DLGAP2: variants seen among roughly 807,000 people sequenced by gnomAD.
The protein encoded by DLGAP2 is disks large-associated protein 2.
A neutral mutation model predicts 100.3 loss-of-function variants in DLGAP2; 26 were observed. The observed-to-expected ratio is 0.26, with a 90% confidence interval of 0.19 to 0.36. The LOEUF (loss-of-function observed/expected upper bound fraction) is 0.36, where lower values mean the gene tolerates loss of function less well. Among genes scored for constraint, DLGAP2 ranks in the 10% least tolerant of loss-of-function variants. DLGAP2 has a pLI of 1.00. For synonymous variants in DLGAP2, 886 were observed against 630.1 expected (o/e 1.41, Z -6.08); for missense variants, 1,858 against 1,453.2 (o/e 1.28, Z -4.53).
At chr8:780,983 A>G (rs1821669117) in intron 1 of DLGAP2, among the ~76,000 whole-genome samples, 1 of 152,232 alleles carries the variant, frequency 6.6e-6, no homozygotes, top group African/African-American at 2.4e-5. Context: ...GCAATGAATT[A>G]CATTTCTCTC....
At chr8:833,218 G>A (rs796221096) in intron 1 of DLGAP2, among the ~76,000 whole-genome samples, 15 of 152,326 alleles carry the variant, frequency 9.8e-5, no homozygotes, top group African/African-American at 3.4e-4. Flanking sequence ...AAGACTTTGG[G>A]AAGGCGCACT....
chr8:1,227,597 A>C (rs1188294454), intron 2 of DLGAP2, among the ~76,000 whole-genome samples: 1 of 151,882 alleles, frequency 6.6e-6, no homozygotes, highest in Non-Finnish European at 1.5e-5. Context: ...AGGTTCAAGC[A>C]ATTCTCAAGC....
intron 2 of DLGAP2, among the ~76,000 whole-genome samples, chr8:1,063,626 G>A (rs907166110): frequency 2.6e-5 from 4 of 151,536 alleles, no homozygotes; most frequent in Non-Finnish European, 4.4e-5. Context: ...TCAGTAAAAG[G>A]ATGTATTAGC....
In DLGAP2 at chr8:1,164,158, C is replaced by T. The variant is rs1468727249; in HGVS notation, c.74-94693C>T. On this transcript the variant is annotated intron_variant, in intron 2 of 14. Transcript: ENST00000637795. ...GGTTTGTGGGGATTTTTCTGTGAGC[C>T]CCCCAGGGCCCGTCATTTTGGTTTG... Among the ~76,000 whole-genome samples the T allele has an allele frequency of 3.6e-4, 7 of 19,260 alleles. 1 individual carries two copies. The highest frequency in any genetic ancestry group is 1.7e-3 in the Admixed American group (3 of 1,742). 12.6% of individuals were successfully genotyped at this position (19,260 alleles called of 152,430 possible). A position where few individuals can be genotyped will look rare whatever the true frequency, so the allele number is the denominator to read the frequency against.
chr8:790,844 C>T (rs1300032881), intron 1 of DLGAP2, among the ~76,000 whole-genome samples: 1 of 152,146 alleles, frequency 6.6e-6, no homozygotes, highest in African/African-American at 2.4e-5. Context: ...CTCCTGGGCT[C>T]AAGTGATCCT....
At chr8:1,133,436 A>T (rs773021838) in intron 2 of DLGAP2, among the ~76,000 whole-genome samples, 1 of 152,148 alleles carries the variant, frequency 6.6e-6, no homozygotes, top group Non-Finnish European at 1.5e-5. Context: ...ATGAATAAAA[A>T]TATATATTTT....
At chr8:1,150,510 A>G (rs1796680134) in intron 2 of DLGAP2, among the ~76,000 whole-genome samples, 1 of 152,188 alleles carries the variant, frequency 6.6e-6, no homozygotes. Context: ...ACTGTGCCAG[A>G]TTTGTCTTTT....
chr8:877,509 A>G (rs2128992698), intron 1 of DLGAP2, among the ~76,000 whole-genome samples: 1 of 152,372 alleles, frequency 6.6e-6, no homozygotes, highest in African/African-American at 2.4e-5. Flanking sequence ...ATTAAACGCC[A>G]CTAATTGCTG....
intron 2 of DLGAP2, among the ~76,000 whole-genome samples, chr8:959,779 A>T (rs953156271): frequency 1.3e-5 from 2 of 152,178 alleles, no homozygotes; most frequent in African/African-American, 4.8e-5. Flanking sequence ...TTTTAAACTA[A>T]AGAGGAGAGA....
intron 3 of DLGAP2, among the ~76,000 whole-genome samples, chr8:1,460,077 C>A (rs1056306629): frequency 6.6e-6 from 1 of 152,226 alleles, no homozygotes; most frequent in East Asian, 1.9e-4. Context: ...GTCAAGAACA[C>A]GTGCAGCGTG....
intron 2 of DLGAP2, among the ~76,000 whole-genome samples, chr8:976,377 C>G (rs528775740): frequency 2.0e-5 from 3 of 151,930 alleles, no homozygotes; most frequent in African/African-American, 7.3e-5. Context: ...TTTGGGAGAT[C>G]GAGGCGGGCG....
intron 2 of DLGAP2, among the ~76,000 whole-genome samples, chr8:1,066,417 G>C (rs998397826): frequency 6.7e-6 from 1 of 150,206 alleles, no homozygotes; most frequent in Non-Finnish European, 1.5e-5. Context: ...TCCCCACCAC[G>C]GTCAGGTCTG....
intron 3 of DLGAP2, among the ~76,000 whole-genome samples, chr8:1,323,193 C>T (rs912728621): frequency 1.3e-5 from 2 of 152,046 alleles, no homozygotes. Flanking sequence ...CCACGCCCGG[C>T]TTACTTTTTG....
At chr8:1,355,186 C>T (rs575555162) in intron 3 of DLGAP2, among the ~76,000 whole-genome samples, 1 of 152,334 alleles carries the variant, frequency 6.6e-6, no homozygotes, top group African/African-American at 2.4e-5. Flanking sequence ...ACACTGCATG[C>T]CCGTGACAGT....
At chr8:1,097,208 AG>A (rs1804406191) in intron 2 of DLGAP2, among the ~76,000 whole-genome samples, 1 of 86,744 alleles carries the variant, frequency 1.2e-5, no homozygotes, top group Admixed American at 1.2e-4. Flanking sequence ...CTGGGAGCCT[AG>A]GGCAGGCCTT....
chr8:1,177,695 C>G (rs982847669), intron 2 of DLGAP2, among the ~76,000 whole-genome samples: 1 of 152,180 alleles, frequency 6.6e-6, no homozygotes, highest in African/African-American at 2.4e-5. Flanking sequence ...TCTCACAGTT[C>G]TAGAGGCTGG....
chr8:1,301,532 A>T (rs1394856774), intron 3 of DLGAP2: 6 of 152,088 alleles, frequency 3.9e-5, no homozygotes. Flanking sequence ...GTGTGACACG[A>T]ACACTTTCAC....
At chr8:980,923 G>A (rs1800313664) in intron 2 of DLGAP2, among the ~76,000 whole-genome samples, 2 of 152,120 alleles carry the variant, frequency 1.3e-5, no homozygotes, top group South Asian at 4.1e-4. Flanking sequence ...GTGGCAAAAT[G>A]TACATAACAT....
At chr8:1,605,930 G>A (rs1343034997) in intron 6 of DLGAP2, among the ~76,000 whole-genome samples, 1 of 152,236 alleles carries the variant, frequency 6.6e-6, no homozygotes, top group African/African-American at 2.4e-5. Flanking sequence ...AGCTCGTGCT[G>A]TAGAACGTGT....
Sources: allele counts gnomAD v4.1 joint callset (sites outside exome capture counted in the v4.1 genomes callset), GRCh38; gene constraint gnomAD v4.1.1; transcripts MANE v1.5; gene names NCBI Gene and HGNC (gene_info 2026-07-23, HGNC 2026-07-21).